Variants in GRID1 observed in about 807,000 individuals in gnomAD.
The protein encoded by GRID1 is glutamate receptor ionotropic, delta-1.
Under a neutral mutation model 98.0 loss-of-function variants are expected in GRID1, and 28 were observed. The observed-to-expected ratio is 0.29, with a 90% CI of 0.21 to 0.39. The LOEUF is 0.39. Among genes scored for constraint, GRID1 ranks in the 10% least tolerant of loss-of-function variants. The pLI is 1.00. For synonymous variants in GRID1, 553 were observed against 538.5 expected, an observed-to-expected ratio of 1.03 and a Z score of -0.37; for missense variants, 1,111 against 1,340.5, an observed-to-expected ratio of 0.83 and a Z score of 2.67.
chr10:86,134,361 G>C (rs866267640), intron 4 of GRID1, among the ~76,000 whole-genome samples: 1 of 152,202 alleles, frequency 6.6e-6, no homozygotes, highest in Non-Finnish European at 1.5e-5. Flanking sequence ...ACAGATGAAT[G>C]GATGAACGGA....
intron 12 of GRID1, among the ~76,000 whole-genome samples, chr10:85,691,854 A>G (rs1841336873): frequency 6.6e-6 from 1 of 152,192 alleles, no homozygotes; most frequent in Non-Finnish European, 1.5e-5. Flanking sequence ...TGATGGGTCC[A>G]CAGTCACTGA....
intron 4 of GRID1, among the ~76,000 whole-genome samples, chr10:85,969,466 A>T (rs1290833673): frequency 6.6e-6 from 1 of 152,162 alleles, no homozygotes. Context: ...CGATAAAAGT[A>T]AAAGGATTAA....
intron 8 of GRID1, among the ~76,000 whole-genome samples, chr10:85,738,553 A>G (rs1285813904): frequency 2.6e-5 from 4 of 152,228 alleles, no homozygotes; most frequent in Non-Finnish European, 4.4e-5. Context: ...GTGAATGTTC[A>G]TTGAAGCTTT....
chr10:86,329,924 C>G (rs917044949), intron 2 of GRID1, among the ~76,000 whole-genome samples: 7 of 152,202 alleles, frequency 4.6e-5, no homozygotes, highest in Admixed American at 3.3e-4. Context: ...ACCCCAGATA[C>G]TGACCACCAC....
intron 8 of GRID1, among the ~76,000 whole-genome samples, chr10:85,767,369 A>T (rs1011621931): frequency 1.3e-5 from 2 of 151,962 alleles, no homozygotes; most frequent in African/African-American, 4.8e-5. Context: ...TCCACCAGTT[A>T]TTTTTTTCTG....
At chr10:86,002,167 A>G (rs1403298920) in intron 4 of GRID1, among the ~76,000 whole-genome samples, 1 of 152,244 alleles carries the variant, frequency 6.6e-6, no homozygotes, top group Non-Finnish European at 1.5e-5. Flanking sequence ...ACAAGGTCAC[A>G]TTCACAGTTA....
chr10:86,097,074 C>A (rs1313561419), intron 4 of GRID1, among the ~76,000 whole-genome samples: 1 of 149,998 alleles, frequency 6.7e-6, no homozygotes, highest in East Asian at 1.9e-4. Flanking sequence ...CCCCAGTGGC[C>A]CCCTGGTCTT....
At chr10:86,069,997 CT>C (rs1448996783) in intron 4 of GRID1, among the ~76,000 whole-genome samples, 1 of 152,094 alleles carries the variant, frequency 6.6e-6, no homozygotes, top group Non-Finnish European at 1.5e-5. Context: ...GATATGGTGC[CT>C]GTAGAGGGCA....
rs564458477 is a variant in GRID1, at chr10:86,074,138, G to A, written c.726+64681C>T. On this transcript the variant is annotated intron_variant, in intron 4 of 15. Transcript: ENST00000327946. ...TTACGTGCGCAAATGTATGGGGTGG[G>A]TGAGAAATTTGGTTACTTGCATGTT... Among the ~76,000 whole-genome samples, 19 of 152,164 alleles carry A rather than the reference G, an allele frequency of 1.2e-4. No homozygotes were observed. In the South Asian group the frequency reaches 2.5e-3, roughly 20 times the overall value.
Position 85,602,769 on chromosome 10 carries a change from C to G in GRID1, c.2602-68G>C, listed in dbSNP as rs190243653. The G allele has an allele frequency of 5.7e-5, 68 of 1,187,202 alleles. No individual in the cohort carries two copies. In the Admixed American group the frequency reaches 1.2e-3, roughly 22 times the overall value. The allele number at this position is 1,187,202 out of a possible 1,614,324, so 73.5% of individuals were successfully genotyped here. On this transcript the variant is annotated intron_variant, in intron 15 of 15. Coordinates refer to ENST00000327946, the MANE Select transcript of GRID1 (RefSeq NM_017551.3). ...GAGTCAAGGCTGGCTTGCTACAGCT[C>G]TGGATGTCTGTAGTCACCAGGCCTG... is the stretch of plus-strand genomic sequence containing the variant.
chr10:86,297,197 T>A (rs1487013007), intron 2 of GRID1, among the ~76,000 whole-genome samples: 1 of 151,868 alleles, frequency 6.6e-6, no homozygotes, highest in Non-Finnish European at 1.5e-5. Context: ...TAAAATTCAA[T>A]AAATGAAAAG....
Position 86,365,525 on chromosome 10 carries a change from C to A in GRID1, c.79+789G>T, listed in dbSNP as rs941117548. Among the ~76,000 whole-genome samples the A allele has an allele frequency of 2.6e-5, 4 of 151,816 alleles. No homozygotes were observed. The highest frequency in any genetic ancestry group is 7.3e-5 in the African/African-American group (3 of 41,290). ...CTCCCGGTTCTCTCTCTCTATCCAT[C>A]TCTTCCCGCTCAGCATCCCCCTACC... On this transcript the variant is annotated intron_variant, in intron 1 of 15. Transcript: ENST00000327946. The surrounding 1 kb of genome is among the most constrained non-coding windows in gnomAD (Gnocchi z 4.8).
At position 86,315,536 on chromosome 10, in the gene GRID1, G is replaced by T. The variant is rs571820989; in HGVS notation, c.235+48405C>A. ...AAGGAACTGGATTTTGGCATATCTG[G>T]CCACAGTTTAATTTTGTATCAGTGA... On this transcript the variant is annotated intron_variant, in intron 2 of 15. Coordinates refer to ENST00000327946, the MANE Select transcript of GRID1 (RefSeq NM_017551.3). Among the ~76,000 whole-genome samples the T allele has an allele frequency of 2.0e-5, 3 of 152,216 alleles. No homozygotes were observed. The East Asian group carries it at 5.8e-4, about 29-fold the overall frequency.
chr10:85,599,802 A>AAAAAAATATATAT lies in GRID1; in HGVS notation c.*2470_*2471insATATATATTTTTT. 12 of 64,976 alleles carry AAAAAAATATATAT rather than the reference A, an allele frequency of 1.8e-4. No individual in the cohort carries two copies. Among genetic ancestry groups the AAAAAAATATATAT allele is most frequent in the Admixed American group, 5.1e-4 (3 of 5,844 alleles). The allele number at this position is 64,976 out of a possible 1,614,324, so 4.0% of individuals were successfully genotyped here. A position where few individuals can be genotyped will look rare whatever the true frequency, so the allele number is the denominator to read the frequency against. ...GTAGAAAATTCTAAAAAAAAAAAAA[A>AAAAAAATATATAT]ATATATATATATATATATAAACATG... is the stretch of plus-strand genomic sequence containing the variant. On this transcript the variant is annotated 3_prime_UTR_variant, in exon 16 of 16. Transcript: ENST00000327946.
chr10:86,308,458 A>G (rs1406427982), intron 2 of GRID1, among the ~76,000 whole-genome samples: 1 of 152,218 alleles, frequency 6.6e-6, no homozygotes, highest in East Asian at 1.9e-4. Context: ...CTGGTGAAAT[A>G]CAAACACCAA....
intron 2 of GRID1, among the ~76,000 whole-genome samples, chr10:86,332,433 C>T (rs1023432366): frequency 7.2e-5 from 11 of 152,124 alleles, no homozygotes; most frequent in South Asian, 6.2e-4. Context: ...AGCCTCAGAG[C>T]TCCCAGGGGT....
At chr10:86,354,587 A>G (rs1460859940) in intron 2 of GRID1, among the ~76,000 whole-genome samples, 1 of 152,250 alleles carries the variant, frequency 6.6e-6, no homozygotes, top group Admixed American at 6.5e-5. Context: ...GTTGAGACTG[A>G]GGGTCAGAGA....
chr10:86,099,486 C>A (rs774344718), intron 4 of GRID1, among the ~76,000 whole-genome samples: 7 of 152,108 alleles, frequency 4.6e-5, no homozygotes, highest in Non-Finnish European at 7.4e-5. Flanking sequence ...GAAGCCACGA[C>A]CCAGGCCCCT....
intron 5 of GRID1, among the ~76,000 whole-genome samples, chr10:85,890,895 A>G (rs1841191206): frequency 6.6e-6 from 1 of 152,212 alleles, no homozygotes; most frequent in Admixed American, 6.5e-5. Flanking sequence ...CTGAGTAGCT[A>G]TCTCCATAAC....
Sources: allele counts gnomAD v4.1 joint callset (sites outside exome capture counted in the v4.1 genomes callset), GRCh38; gene constraint gnomAD v4.1.1; non-coding constraint Gnocchi (gnomAD v3.1); transcripts MANE v1.5; gene names NCBI Gene and HGNC (gene_info 2026-07-23, HGNC 2026-07-21).